Variants in C2CD2 observed in about 807,000 individuals in gnomAD.
C2CD2 encodes C2 calcium dependent domain containing 2, also known as C2 domain-containing protein 2.
C2CD2 carries 43 observed loss-of-function variants against 74.3 expected under a neutral mutation model. The observed-to-expected ratio is 0.58, with a 90% CI of 0.45 to 0.75. The LOEUF (loss-of-function observed/expected upper bound fraction) is 0.75. Ranked by LOEUF, C2CD2 falls within the 30% of genes least tolerant of loss-of-function variation. The pLI is 0.00. For synonymous variants in C2CD2, 422 were observed against 390.7 expected (o/e 1.08, Z -0.94); for missense variants, 801 against 916.3 (o/e 0.87, Z 1.63).
chr21:41,891,463 T>C (rs549176519), intron 13 of C2CD2, among the ~76,000 whole-genome samples: 1 of 152,338 alleles, frequency 6.6e-6, no homozygotes. Context: ...GCTAACTGCC[T>C]GGTGTATCAG....
intron 13 of C2CD2, chr21:41,894,633 G>A (rs1050227597): frequency 2.2e-5 from 10 of 455,754 alleles, no homozygotes; most frequent in Admixed American, 7.0e-5. Context: ...GCAAGGACTC[G>A]GGCGGGATTC....
In C2CD2 at chr21:41,905,765, C is replaced by T. The variant is rs777660111; in HGVS notation, c.1391G>A (p.Arg464His). Residue 464 changes from arginine to histidine, a missense_variant, in exon 11 of 14, where the codon CGC (arginine) becomes CAC (histidine). Physicochemically the swap from Arg to His is conservative, Grantham distance 29. Transcript: ENST00000380486. ...GAGTGTTTTGCTGACGGGGGCGCTG[C>T]GGCAGGCGATGGCCTGGACAGAGAT... ...KDISVQAIAC[R>H]SAPVSKTLSS... 79 of 1,610,930 alleles carry T rather than the reference C, an allele frequency of 4.9e-5. No homozygotes were observed. The highest frequency in any genetic ancestry group is 6.6e-5 in the Non-Finnish European group (78 of 1,177,622).
chr21:41,922,171 T>G (rs1344822835), intron 2 of C2CD2, 86 bp from the exon 3 acceptor site: 2 of 793,940 alleles, frequency 2.5e-6, no homozygotes, highest in Non-Finnish European at 4.1e-6. Flanking sequence ...TTCTTTTTTT[T>G]TTTTTGAGAC....
chr21:41,921,313 A>C (rs1379492261), intron 3 of C2CD2, among the ~76,000 whole-genome samples: 1 of 152,232 alleles, frequency 6.6e-6, no homozygotes, highest in Admixed American at 6.5e-5. Flanking sequence ...ATACCAGCTA[A>C]AGAGGAACTC....
Position 41,889,282 on chromosome 21 carries a change from C to T in C2CD2, c.1933G>A (p.Gly645Ser). ...AGGTCATTGTGTGACTGACTCATGC[C>T]TGGGTCTTTCTGTTGATGCCGCCGG... ...FRRRHQQKDP[G>S]MSQSHNDLVF... Residue 645 changes from glycine to serine, a missense_variant, in exon 14 of 14, where the codon GGC becomes AGC. Coordinates refer to ENST00000380486, the MANE Select transcript of C2CD2 (RefSeq NM_015500.2). 3.7e-6 allele frequency: 6 copies of T among 1,614,116 alleles called. No homozygotes were observed. Among genetic ancestry groups the T allele is most frequent in the Non-Finnish European group, 4.2e-6 (5 of 1,180,022 alleles).
Position 41,888,926 on chromosome 21 carries a change from G to C in C2CD2, c.*198C>G. 1.7e-6 allele frequency: 1 copy of C among 598,530 alleles called. No homozygotes were observed. The highest frequency in any genetic ancestry group is 3.0e-6 in the Non-Finnish European group (1 of 336,906). The allele number at this position is 598,530 out of a possible 1,614,324, so 37.1% of individuals were successfully genotyped here. A position where few individuals can be genotyped will look rare whatever the true frequency, so the allele number is the denominator to read the frequency against. On this transcript the variant is annotated 3_prime_UTR_variant, in exon 14 of 14. Coordinates refer to ENST00000380486, the MANE Select transcript of C2CD2 (RefSeq NM_015500.2). ...CATTTAGCATCTGGTGGCAAGTTGG[G>C]CTTTTTTGTCCTCTCTGGGAGAAGC... is the stretch of plus-strand genomic sequence containing the variant.
intron 2 of C2CD2, among the ~76,000 whole-genome samples, chr21:41,931,962 A>T (rs62214755): frequency 0.22 from 1,105 of 5,082 alleles, 35 homozygotes; most frequent in Middle Eastern, 0.5. Context: ...GCATCCCACC[A>T]CCCCACCTCC....
intron 13 of C2CD2, among the ~76,000 whole-genome samples, chr21:41,898,440 G>T (rs964632270): frequency 6.6e-6 from 1 of 152,142 alleles, no homozygotes; most frequent in African/African-American, 2.4e-5. Flanking sequence ...GCACTGTCTC[G>T]GCAAATCTGC....
At chr21:41,940,805 T>C (rs2065348314) in intron 2 of C2CD2, among the ~76,000 whole-genome samples, 1 of 152,240 alleles carries the variant, frequency 6.6e-6, no homozygotes, top group Non-Finnish European at 1.5e-5. Flanking sequence ...CATACCATCA[T>C]GTCTAACTGC....
At chr21:41,901,517 C>T (rs1407665431) in intron 12 of C2CD2, 105 bp downstream of exon 12, 1 of 1,167,274 alleles carries the variant, frequency 8.6e-7, no homozygotes, top group Admixed American at 1.7e-5. Flanking sequence ...ATGGAACTCT[C>T]TGGACGTTAA....
chr21:41,890,801 G>A (rs1390647228), intron 13 of C2CD2, among the ~76,000 whole-genome samples: 5 of 152,284 alleles, frequency 3.3e-5, no homozygotes, highest in African/African-American at 7.2e-5. Flanking sequence ...GAGGGCAGTC[G>A]GAGAAACCTG....
chr21:41,938,963 C>T (rs558794044), intron 2 of C2CD2, among the ~76,000 whole-genome samples: 26 of 152,156 alleles, frequency 1.7e-4, no homozygotes, highest in African/African-American at 3.9e-4. Flanking sequence ...AGGCTGGTCT[C>T]GAACTCCTGA....
At chr21:41,933,515 C>T (rs2065281033) in intron 2 of C2CD2, among the ~76,000 whole-genome samples, 2 of 152,234 alleles carry the variant, frequency 1.3e-5, no homozygotes, top group African/African-American at 2.4e-5. Flanking sequence ...TCACCCTGGA[C>T]ATTTTACAAG....
At chr21:41,898,809 T>C (rs2064854185) in intron 13 of C2CD2, among the ~76,000 whole-genome samples, 1 of 152,178 alleles carries the variant, frequency 6.6e-6, no homozygotes, top group South Asian at 2.1e-4. Flanking sequence ...GGGGCCTCTA[T>C]GCATGGACAC....
intron 2 of C2CD2, among the ~76,000 whole-genome samples, chr21:41,936,815 C>CTTTTT (rs34112713): frequency 9.7e-6 from 1 of 102,984 alleles, no homozygotes; most frequent in African/African-American, 3.9e-5. Context: ...TTTTCTTTTC[C>CTTTTT]TTTTTTTTTT....
intron 2 of C2CD2, among the ~76,000 whole-genome samples, chr21:41,937,925 CAGAATG>C (rs1452883473): frequency 2.0e-5 from 3 of 152,122 alleles, no homozygotes; most frequent in African/African-American, 7.2e-5. Flanking sequence ...AAACCAAGAG[CAGAATG>C]GTGGTTACCA....
chr21:41,889,010 A>G lies in C2CD2; in HGVS notation c.*114T>C, dbSNP rs2064714788. The G allele has an allele frequency of 5.2e-6, 4 of 772,918 alleles. No individual in the cohort carries two copies. The East Asian group carries it at 8.0e-5, about 16-fold the overall frequency. The allele number at this position is 772,918 out of a possible 1,614,324, so 47.9% of individuals were successfully genotyped here. A position where few individuals can be genotyped will look rare whatever the true frequency, so the allele number is the denominator to read the frequency against. On this transcript the variant is annotated 3_prime_UTR_variant, in exon 14 of 14. Transcript: ENST00000380486. Reference sequence around the variant, plus strand: ...TTAAATGACGAGATGGTTGGAAGAAACCCAGCAAGACAAGCGGGGCATCTG... The same window carrying G: ...TTAAATGACGAGATGGTTGGAAGAAGCCCAGCAAGACAAGCGGGGCATCTG...
At chr21:41,944,788 C>A (rs1013495740) in intron 1 of C2CD2, among the ~76,000 whole-genome samples, 3 of 152,078 alleles carry the variant, frequency 2.0e-5, no homozygotes, top group African/African-American at 4.8e-5. Context: ...GACTTTGTGT[C>A]CACATAGAAA....
Position 41,892,363 on chromosome 21 carries a change from C to T in C2CD2, c.1871-3019G>A, listed in dbSNP as rs1223911004. Among the ~76,000 whole-genome samples the T allele has an allele frequency of 2.0e-5, 3 of 152,170 alleles. No individual in the cohort carries two copies. The highest frequency in any genetic ancestry group is 6.5e-5 in the Admixed American group (1 of 15,290). ...AGCACCAGCAGCTCAGACTTCCAGC[C>T]TCCAGAACAGGGAAAGAATTGGCTC... is the stretch of plus-strand genomic sequence containing the variant. On this transcript the variant is annotated intron_variant, in intron 13 of 13. Coordinates refer to ENST00000380486, the MANE Select transcript of C2CD2 (RefSeq NM_015500.2). This position sits in a 1 kb window ranked among gnomAD's most constrained non-coding sequence, Gnocchi z 4.6.
Sources: allele counts gnomAD v4.1 joint callset (sites outside exome capture counted in the v4.1 genomes callset), GRCh38; gene constraint gnomAD v4.1.1; non-coding constraint Gnocchi (gnomAD v3.1); transcripts MANE v1.5; gene names NCBI Gene and HGNC (gene_info 2026-07-23, HGNC 2026-07-21).